BOP1: variants seen among roughly 807,000 people sequenced by gnomAD.
BOP1 encodes BOP1 ribosomal biogenesis factor, also known as ribosome biogenesis protein BOP1.
Under a neutral mutation model 82.9 loss-of-function variants are expected in BOP1, and 54 were observed. The ratio of observed to expected loss-of-function variants is 0.65; its 90% CI spans 0.52 to 0.82. The LOEUF (loss-of-function observed/expected upper bound fraction) is 0.82. Ranked by LOEUF, BOP1 falls within the 40% of genes least tolerant of loss-of-function variation. The pLI is 0.00. For synonymous variants in BOP1, 566 were observed against 451.1 expected (o/e 1.25, Z -3.23); for missense variants, 1,170 against 1,072.0 (o/e 1.09, Z -1.28).
intron 3 of BOP1, among the ~76,000 whole-genome samples, chr8:144,271,579 G>GTT (rs1845493874): frequency 6.6e-6 from 1 of 152,182 alleles, no homozygotes; most frequent in Admixed American, 6.5e-5. Context: ...CTTCCTCAGG[G>GTT]TTTTATCTGT....
At position 144,262,175 on chromosome 8, in the gene BOP1, G is replaced by A; in HGVS notation, c.2230C>T (p.Leu744Phe). The A allele has an allele frequency of 6.2e-6, 10 of 1,612,490 alleles. No individual in the cohort carries two copies. Among genetic ancestry groups the A allele is most frequent in the Non-Finnish European group, 8.5e-6 (10 of 1,179,842 alleles). The change falls in exon 16 of 16, where the codon CTC becomes TTC. Residue 744 changes from leucine (L) to phenylalanine (F), a missense_variant. Physicochemically the swap from Leu to Phe is conservative, Grantham distance 22. Coordinates refer to ENST00000569669, the MANE Select transcript of BOP1 (RefSeq NM_015201.5). ...FSSGADGTVR[L>F]FT Reference sequence around the variant, plus strand: ...GGCAGGCAGAACAGCTAGGTGAAGAGGCGGACAGTCCCGTCTGCCCCCGAG... The same window carrying A: ...GGCAGGCAGAACAGCTAGGTGAAGAAGCGGACAGTCCCGTCTGCCCCCGAG...
chr8:144,279,254 T>C (rs986477642), intron 2 of BOP1, among the ~76,000 whole-genome samples: 12 of 149,086 alleles, frequency 8.0e-5, no homozygotes, highest in Admixed American at 7.3e-4. Context: ...AAGACCACCA[T>C]GGGCCCCACG....
In BOP1 at chr8:144,266,553, G is replaced by T. The variant is rs1456355170; in HGVS notation, c.391-1482C>A. The T allele has an allele frequency of 1.1e-5, 11 of 999,842 alleles. No individual in the cohort carries two copies. In the African/African-American group the frequency reaches 1.9e-4, roughly 18 times the overall value. The allele number at this position is 999,842 out of a possible 1,614,324, so 61.9% of individuals were successfully genotyped here. A position where few individuals can be genotyped will look rare whatever the true frequency, so the allele number is the denominator to read the frequency against. ...CCGGCCGGCCCGCGAGGCCCGCGGC[G>T]GCCGCAGGAGGCGGCATGAGCAGCG... On this transcript the variant is annotated intron_variant, in intron 3 of 15. Coordinates refer to ENST00000569669, the MANE Select transcript of BOP1 (RefSeq NM_015201.5).
intron 3 of BOP1, among the ~76,000 whole-genome samples, chr8:144,269,471 G>C (rs1281985842): frequency 6.6e-6 from 1 of 152,270 alleles, no homozygotes; most frequent in Non-Finnish European, 1.5e-5. Flanking sequence ...CCCCTCCTCT[G>C]CAAAGACAGG....
chr8:144,289,860 A>G (rs1487973921), intron 1 of BOP1, among the ~76,000 whole-genome samples: 1 of 152,224 alleles, frequency 6.6e-6, no homozygotes, highest in Non-Finnish European at 1.5e-5. Flanking sequence ...CCAACGATTG[A>G]TCAGTAAATT....
intron 3 of BOP1, among the ~76,000 whole-genome samples, chr8:144,272,049 G>A (rs773711503): frequency 0.013 from 2,019 of 152,256 alleles, 24 homozygotes; most frequent in Non-Finnish European, 0.021. Context: ...GGCTGACCCA[G>A]GGACAATAGC....
Position 144,263,349 on chromosome 8 carries a change from C to T in BOP1, c.1477G>A (p.Gly493Ser), listed in dbSNP as rs1554836804. 1.9e-6 allele frequency: 3 copies of T among 1,595,732 alleles called. No individual in the cohort carries two copies. In the South Asian group the frequency reaches 3.3e-5, roughly 18 times the overall value. ...GCGCTCAACAGCTGATCTGTGCTGC[C>T]CGCCACCAGCCGGTCCCCCAGAGCT... is the stretch of plus-strand genomic sequence containing the variant. ...NPALGDRLVA[G>S]STDQLLSAFV... Residue 493 changes from glycine to serine, a missense_variant, in exon 12 of 16, where the codon GGC (glycine) becomes AGC (serine). Transcript: ENST00000569669.
intron 3 of BOP1, chr8:144,267,173 GA>G: frequency 6.5e-7 from 1 of 1,528,404 alleles, no homozygotes. Flanking sequence ...AGCAACCAGA[GA>G]AAGTTGGTGA....
intron 2 of BOP1, among the ~76,000 whole-genome samples, chr8:144,286,742 G>T (rs782359430): frequency 6.6e-6 from 1 of 152,208 alleles, no homozygotes; most frequent in Non-Finnish European, 1.5e-5. Flanking sequence ...CAGCCCGGCC[G>T]GCCTTGCCAC....
At chr8:144,281,070 GGTCTTCGGCCTTCTCTCAC>G (rs1845667550) in intron 2 of BOP1, among the ~76,000 whole-genome samples, 1 of 150,416 alleles carries the variant, frequency 6.6e-6, no homozygotes, top group Admixed American at 6.6e-5. Flanking sequence ...TTTCATACCA[GGTCTTCGGCCTTCTCTCAC>G]TTTAATACCA....
rs2130186984 is a variant in BOP1, at chr8:144,262,673, C to T, written c.1895-1G>A. On this transcript the variant is annotated splice_acceptor_variant, in intron 13 of 15. Transcript: ENST00000569669. LOFTEE classifies it high-confidence loss of function. ...TAGCTCCCACAGATGACGTTGTCAC[C>T]TAGGGCCAAAGGCTGTGATGCAGGT... 4 of 1,613,302 alleles carry T rather than the reference C, an allele frequency of 2.5e-6. No homozygotes were observed. In the South Asian group the frequency reaches 3.3e-5, roughly 13 times the overall value.
intron 3 of BOP1, among the ~76,000 whole-genome samples, chr8:144,269,726 C>T (rs1845460976): frequency 6.6e-6 from 1 of 152,218 alleles, no homozygotes; most frequent in African/African-American, 2.4e-5. Flanking sequence ...CTGCAGAAGC[C>T]TCCGCCCGCC....
chr8:144,264,774 C>T lies in BOP1; in HGVS notation c.603G>A (p.Val201=), dbSNP rs1231419701. 3 of 1,606,424 alleles carry T rather than the reference C, an allele frequency of 1.9e-6. No individual in the cohort carries two copies. The highest frequency in any genetic ancestry group is 1.3e-5 in the African/African-American group (1 of 74,798). ...CACTCTGCAGCCGCCGCACCAGGGC[C>T]ACCTGCTCATCCGTCAGTCTCAGGT... ...GRDLRLTDEQ[V]ALVRRLQSGQ... Residue 201 remains valine (V), a synonymous_variant, in exon 5 of 16, where the codon GTG becomes GTA. Transcript: ENST00000569669.
chr8:144,291,412 A>G lies in BOP1; in HGVS notation c.-42T>C. The G allele has an allele frequency of 9.0e-7, 1 of 1,110,748 alleles. No individual in the cohort carries two copies. Among genetic ancestry groups the G allele is most frequent in the Non-Finnish European group, 1.1e-6 (1 of 908,640 alleles). The allele number at this position is 1,110,748 out of a possible 1,614,324, so 68.8% of individuals were successfully genotyped here. On this transcript the variant is annotated 5_prime_UTR_variant, in exon 1 of 16. Coordinates refer to ENST00000569669, the MANE Select transcript of BOP1 (RefSeq NM_015201.5). This position sits in a 1 kb window ranked among gnomAD's most constrained non-coding sequence, Gnocchi z 4.1. ...GCCGCCACCCGCACAGCCGCTTCCGACAGCGACCGGGCCGCGTGCGCAGGA... is the reference window on the plus strand; with the variant it reads ...GCCGCCACCCGCACAGCCGCTTCCGGCAGCGACCGGGCCGCGTGCGCAGGA...
chr8:144,263,971 C>A lies in BOP1; in HGVS notation c.1140+10G>T. ...CTGTGCCACCCCCCTGGTGTGCCAC[C>A]CCCACACACCCTCATCTTGCGCTGC... is the stretch of plus-strand genomic sequence containing the variant. On this transcript the variant is annotated intron_variant, in intron 8 of 15. Coordinates refer to ENST00000569669, the MANE Select transcript of BOP1 (RefSeq NM_015201.5). 2 of 1,610,812 alleles carry A rather than the reference C, an allele frequency of 1.2e-6. No individual in the cohort carries two copies. The highest frequency in any genetic ancestry group is 8.5e-7 in the Non-Finnish European group (1 of 1,179,670).
At chr8:144,274,724 C>T (rs1448255904) in intron 3 of BOP1, among the ~76,000 whole-genome samples, 2 of 152,226 alleles carry the variant, frequency 1.3e-5, no homozygotes, top group African/African-American at 4.8e-5. Context: ...AGGGGGCTGC[C>T]CACCCGGCAG....
intron 1 of BOP1, among the ~76,000 whole-genome samples, chr8:144,290,566 G>A (rs1393555015): frequency 6.6e-6 from 1 of 152,222 alleles, no homozygotes; most frequent in Non-Finnish European, 1.5e-5. Context: ...ATAACTAGTG[G>A]AAATGGCATC....
At chr8:144,267,099 CCCGCCGCCT>C in intron 3 of BOP1, 16 of 1,431,962 alleles carry the variant, frequency 1.1e-5, no homozygotes, top group Non-Finnish European at 1.4e-5. Flanking sequence ...CGCCGCCGCC[CCCGCCGCCT>C]CCCGCCCGCG....
At position 144,263,329 on chromosome 8, in the gene BOP1, C is replaced by T. The variant is rs1384659815; in HGVS notation, c.1497G>A (p.Leu499=). The T allele has an allele frequency of 5.6e-6, 9 of 1,594,576 alleles. No homozygotes were observed. The African/African-American group carries it at 9.4e-5, about 17-fold the overall frequency. The change falls in exon 12 of 16, where the codon TTG becomes TTA. Residue 499 remains leucine (L), a synonymous_variant. Transcript: ENST00000569669. Reference sequence around the variant, plus strand: ...GCTCCTCAGGCGGGACGAAGGCGCTCAACAGCTGATCTGTGCTGCCCGCCA... The same window carrying T: ...GCTCCTCAGGCGGGACGAAGGCGCTTAACAGCTGATCTGTGCTGCCCGCCA... ...RLVAGSTDQL[L]SAFVPPEEPP...
Sources: allele counts gnomAD v4.1 joint callset (sites outside exome capture counted in the v4.1 genomes callset), GRCh38; gene constraint gnomAD v4.1.1; non-coding constraint Gnocchi (gnomAD v3.1); transcripts MANE v1.5; gene names NCBI Gene and HGNC (gene_info 2026-07-23, HGNC 2026-07-21).